Variants in ITFG1 observed in about 807,000 individuals in gnomAD.
ITFG1 encodes T-cell immunomodulatory protein.
ITFG1 carries 34 observed loss-of-function variants against 81.8 expected under a neutral mutation model. That is an observed-to-expected ratio of 0.42 (90% CI 0.32 to 0.55). The LOEUF is 0.55. ITFG1 is among the 20% of genes least tolerant of loss of function. The probability of loss-of-function intolerance (pLI) is 0.17; values close to 1 mark genes in which losing one functional copy is unlikely to be tolerated. For missense variants in ITFG1, 672 were observed against 755.4 expected, an observed-to-expected ratio of 0.89 and a Z score of 1.29; for synonymous variants, 285 against 270.6, an observed-to-expected ratio of 1.05 and a Z score of -0.52.
chr16:47,392,477 G>C (rs533086177), intron 6 of ITFG1, among the ~76,000 whole-genome samples: 2 of 152,160 alleles, frequency 1.3e-5, no homozygotes, highest in Non-Finnish European at 2.9e-5. Flanking sequence ...TCTGAAATGT[G>C]AGGCATCAGG....
At chr16:47,407,592 C>A (rs1031935965) in intron 6 of ITFG1, among the ~76,000 whole-genome samples, 1 of 152,222 alleles carries the variant, frequency 6.6e-6, no homozygotes, top group Non-Finnish European at 1.5e-5. Flanking sequence ...TGTGATCCGC[C>A]TGCCTTGGCC....
At chr16:47,230,067 G>T (rs891794450) in intron 13 of ITFG1, among the ~76,000 whole-genome samples, 20 of 152,238 alleles carry the variant, frequency 1.3e-4, no homozygotes, top group Middle Eastern at 3.4e-3. Context: ...GAAAAAGAAG[G>T]TGCATAGGGT....
intron 7 of ITFG1, among the ~76,000 whole-genome samples, chr16:47,371,768 G>A (rs1366494281): frequency 6.6e-6 from 1 of 152,138 alleles, no homozygotes; most frequent in African/African-American, 2.4e-5. Context: ...GAACTAGTGA[G>A]AAGAGGTCAG....
chr16:47,414,646 T>C (rs1161065798), intron 6 of ITFG1, among the ~76,000 whole-genome samples: 2 of 152,074 alleles, frequency 1.3e-5, no homozygotes, highest in East Asian at 3.8e-4. Context: ...AAATCTGAAT[T>C]AAGAAAGAAT....
intron 8 of ITFG1, among the ~76,000 whole-genome samples, chr16:47,325,622 TA>T (rs1195950933): frequency 6.6e-6 from 1 of 151,716 alleles, no homozygotes; most frequent in Non-Finnish European, 1.5e-5. Context: ...ATAGACACAA[TA>T]AAAAATGATA....
chr16:47,168,856 T>C (rs1164331562), intron 14 of ITFG1, among the ~76,000 whole-genome samples: 1 of 152,174 alleles, frequency 6.6e-6, no homozygotes, highest in African/African-American at 2.4e-5. Flanking sequence ...TCTTACCCCT[T>C]ACATTGAGGT....
In ITFG1 at chr16:47,375,912, G is replaced by C. The variant is rs1375826403; in HGVS notation, c.684C>G (p.Thr228=). The change falls in exon 7 of 18, where the codon ACC becomes ACG. Residue 228 remains threonine, a synonymous_variant. Transcript: ENST00000320640. Reference sequence around the variant, plus strand: ...ATATTTCAAACTGGAAGGTACTAGTGGTGGCATTCAATGTCGTCAGGAATA... The same window carrying C: ...ATATTTCAAACTGGAAGGTACTAGTCGTGGCATTCAATGTCGTCAGGAATA... The part of the protein sequence containing the change: ...ADLFLTTLNA[T]TSTFQFEIWE... 1 of 1,606,656 alleles carries C rather than the reference G, an allele frequency of 6.2e-7. No homozygotes were observed. Among genetic ancestry groups the C allele is most frequent in the South Asian group, 1.1e-5 (1 of 90,532 alleles).
chr16:47,327,052 T>C (rs1967558050), intron 8 of ITFG1, among the ~76,000 whole-genome samples: 2 of 152,148 alleles, frequency 1.3e-5, no homozygotes, highest in Non-Finnish European at 2.9e-5. Flanking sequence ...GGTGGAGGCA[T>C]CACGCTACCT....
chr16:47,277,638 C>G (rs1157357101), intron 10 of ITFG1, among the ~76,000 whole-genome samples: 1 of 152,090 alleles, frequency 6.6e-6, no homozygotes, highest in East Asian at 1.9e-4. Context: ...TAGATATGAC[C>G]ATTTCAACAT....
At chr16:47,168,545 GTTTTTTTTTTTTT>G (rs758632507) in intron 14 of ITFG1, among the ~76,000 whole-genome samples, 1 of 117,680 alleles carries the variant, frequency 8.5e-6, no homozygotes, top group Admixed American at 8.7e-5. Flanking sequence ...CTAATTAAAA[GTTTTTTTTTTTTT>G]TTTTTTTTTT....
At chr16:47,396,008 G>C in intron 6 of ITFG1, 1 of 199,954 alleles carries the variant, frequency 5.0e-6, no homozygotes, top group Non-Finnish European at 8.9e-6. Flanking sequence ...CCTGCCTAAT[G>C]TTTTAGATAT....
In ITFG1 at chr16:47,297,965, A is replaced by G. The variant is rs72800640; in HGVS notation, c.1070+13275T>C. ...TTTTTCTTCTCTTTTGGAAATACCA[A>G]GGATTCATAAGTGTAATCATTACTA... On this transcript the variant is annotated intron_variant, in intron 10 of 17. Coordinates refer to ENST00000320640, the MANE Select transcript of ITFG1 (RefSeq NM_030790.5). 9.4e-3 allele frequency among the ~76,000 whole-genome samples: 1,428 copies of G among 152,288 alleles called. 7 individuals carry two copies. Among genetic ancestry groups the G allele is most frequent in the Non-Finnish European group, 0.015 (1,031 of 68,010 alleles).
chr16:47,170,069 C>A (rs930686393), intron 14 of ITFG1, among the ~76,000 whole-genome samples: 25 of 152,146 alleles, frequency 1.6e-4, no homozygotes, highest in Non-Finnish European at 2.2e-4. Flanking sequence ...TTTTAATGTG[C>A]TGCTGGATTT....
At chr16:47,199,686 G>A (rs1303079523) in intron 14 of ITFG1, among the ~76,000 whole-genome samples, 1 of 152,224 alleles carries the variant, frequency 6.6e-6, no homozygotes, top group African/African-American at 2.4e-5. Flanking sequence ...ACCGGGGGTG[G>A]GGGATGGTTT....
rs190522158 is a variant in ITFG1, at chr16:47,350,933, C to A, written c.802+14855G>T. ...ACATATGCAAATCAATAAACATAAC[C>A]CAGCATATAAACAGAACCAAAGACA... On this transcript the variant is annotated intron_variant, in intron 8 of 17. Transcript: ENST00000320640. 5.0e-3 allele frequency among the ~76,000 whole-genome samples: 762 copies of A among 152,154 alleles called. 2 individuals are homozygous for A. Among genetic ancestry groups the A allele is most frequent in the Non-Finnish European group, 7.4e-3 (505 of 67,990 alleles).
At chr16:47,228,162 A>T (rs576441453) in intron 13 of ITFG1, among the ~76,000 whole-genome samples, 39 of 152,344 alleles carry the variant, frequency 2.6e-4, no homozygotes, top group African/African-American at 9.1e-4. Flanking sequence ...TACACGAAGC[A>T]TGATATCACC....
At chr16:47,240,638 C>CGGAA (rs1368263044) in intron 12 of ITFG1, among the ~76,000 whole-genome samples, 9 of 151,920 alleles carry the variant, frequency 5.9e-5, no homozygotes, top group Admixed American at 5.9e-4. Flanking sequence ...AGCCAAGAGG[C>CGGAA]GGAAGCAAGC....
At chr16:47,448,919 AAC>A (rs745951581) in intron 5 of ITFG1, 2 of 152,124 alleles carry the variant, frequency 1.3e-5, no homozygotes, top group Non-Finnish European at 2.9e-5. Flanking sequence ...TTGACCATTT[AAC>A]ACACTTCAAT....
chr16:47,236,261 G>C (rs1249214635), intron 13 of ITFG1, among the ~76,000 whole-genome samples: 2 of 152,002 alleles, frequency 1.3e-5, no homozygotes, highest in Non-Finnish European at 2.9e-5. Context: ...GGATCACGAG[G>C]TCAGGAGATC....
Sources: gnomAD v4.1 joint callset for allele counts (sites outside exome capture counted in the v4.1 genomes callset) on GRCh38, gnomAD v4.1.1 for gene constraint, MANE v1.5 for transcripts, NCBI Gene and HGNC (gene_info 2026-07-23, HGNC 2026-07-21) for gene names.